Variants in GRIN2B observed in about 807,000 individuals in gnomAD.
GRIN2B encodes the protein glutamate ionotropic receptor NMDA type subunit 2B, also known as glutamate receptor ionotropic, NMDA 2B.
A neutral mutation model predicts 114.5 loss-of-function variants in GRIN2B; 5 were observed. That is an observed-to-expected ratio of 0.04 (90% CI 0.02 to 0.09). The LOEUF is 0.09. Among genes scored for constraint, GRIN2B ranks in the 10% least tolerant of loss-of-function variants. The pLI is 1.00. For synonymous variants in GRIN2B, 787 were observed against 745.1 expected (o/e 1.06, Z -0.92); for missense variants, 1,108 against 1,943.5 (o/e 0.57, Z 8.08).
chr12:13,837,753 G>A (rs1865302035), intron 3 of GRIN2B, among the ~76,000 whole-genome samples: 1 of 152,096 alleles, frequency 6.6e-6, no homozygotes, highest in Admixed American at 6.5e-5. Context: ...TCAAAAGGCA[G>A]GGCTCAGCAG....
intron 5 of GRIN2B, among the ~76,000 whole-genome samples, chr12:13,659,975 T>G (rs557708306): frequency 1.8e-4 from 28 of 152,294 alleles, no homozygotes; most frequent in Non-Finnish European, 3.7e-4. Flanking sequence ...CAGGGCTGTA[T>G]ACAGGGCTGT....
intron 2 of GRIN2B, among the ~76,000 whole-genome samples, chr12:13,866,846 C>T (rs375188549): frequency 3.2e-4 from 49 of 152,260 alleles, no homozygotes; most frequent in African/African-American, 1.1e-3. Context: ...AACATTGCCT[C>T]AATTGATCCT....
chr12:13,588,941 T>C (rs1211823869), intron 10 of GRIN2B, among the ~76,000 whole-genome samples: 2 of 152,234 alleles, frequency 1.3e-5, no homozygotes, highest in Non-Finnish European at 2.9e-5. Flanking sequence ...CTGTTGTATT[T>C]ACCATCCTAT....
chr12:13,842,826 C>T (rs940396324), intron 3 of GRIN2B, among the ~76,000 whole-genome samples: 1 of 151,534 alleles, frequency 6.6e-6, no homozygotes, highest in African/African-American at 2.4e-5. Context: ...AAAGCTCTTA[C>T]ACATAGCAAG....
chr12:13,920,711 G>T (rs1047652555), intron 2 of GRIN2B, among the ~76,000 whole-genome samples: 2 of 152,150 alleles, frequency 1.3e-5, no homozygotes, highest in Non-Finnish European at 2.9e-5. Context: ...CTGTGGCAAA[G>T]GTACAGTTTT....
intron 4 of GRIN2B, among the ~76,000 whole-genome samples, chr12:13,733,920 T>C (rs930886290): frequency 2.6e-5 from 4 of 152,182 alleles, no homozygotes; most frequent in Admixed American, 1.3e-4. Context: ...TCTGAAAAGG[T>C]AAAATGACTT....
intron 5 of GRIN2B, among the ~76,000 whole-genome samples, chr12:13,669,238 C>T (rs1304027756): frequency 6.6e-6 from 1 of 151,996 alleles, no homozygotes; most frequent in Non-Finnish European, 1.5e-5. Flanking sequence ...TAAGCCCACT[C>T]ACTCTGGTTG....
At chr12:13,791,698 T>C (rs1864324952) in intron 3 of GRIN2B, among the ~76,000 whole-genome samples, 1 of 152,204 alleles carries the variant, frequency 6.6e-6, no homozygotes, top group East Asian at 1.9e-4. Context: ...TCTTTATTAA[T>C]ATGTATTATA....
Position 13,615,283 on chromosome 12 carries a change from G to A in GRIN2B, c.1501-16C>T, listed in dbSNP as rs754390595. The A allele has an allele frequency of 1.7e-5, 28 of 1,613,100 alleles. No homozygotes were observed. The highest frequency in any genetic ancestry group is 5.5e-5 in the South Asian group (5 of 91,046). On this transcript the variant is annotated splice_polypyrimidine_tract_variant and intron_variant, in intron 7 of 13. Transcript: ENST00000609686. The surrounding 1 kb of genome is among the most constrained non-coding windows in gnomAD (Gnocchi z 5.8). ...TCATGACCACCTAAAAGAAAGGCGCGATGCTCCAATTAAAACATTCAGGAG... is the reference window on the plus strand; with the variant it reads ...TCATGACCACCTAAAAGAAAGGCGCAATGCTCCAATTAAAACATTCAGGAG...
intron 2 of GRIN2B, among the ~76,000 whole-genome samples, chr12:13,960,884 A>G (rs1289172018): frequency 6.6e-6 from 1 of 152,204 alleles, no homozygotes; most frequent in African/African-American, 2.4e-5. Context: ...TATACTGGAA[A>G]GAGAATGATT....
chr12:13,857,784 C>T (rs1053955727), intron 3 of GRIN2B, among the ~76,000 whole-genome samples: 1 of 152,194 alleles, frequency 6.6e-6, no homozygotes, highest in African/African-American at 2.4e-5. Context: ...TTGCAACGTC[C>T]ACAGAGTTGC....
chr12:13,757,141 G>T (rs567545663), intron 3 of GRIN2B, among the ~76,000 whole-genome samples: 15 of 152,300 alleles, frequency 9.8e-5, no homozygotes, highest in Admixed American at 6.5e-5. Context: ...ATTAAATAAG[G>T]ATGCTTTATA....
chr12:13,772,556 A>G (rs1020970568), intron 3 of GRIN2B, among the ~76,000 whole-genome samples: 1 of 152,250 alleles, frequency 6.6e-6, no homozygotes, highest in African/African-American at 2.4e-5. Context: ...ATATCAGCGC[A>G]TCATAATTTT....
rs922084134 is a variant in GRIN2B at position 13,616,689 on chromosome 12, C to T, written c.1126-32G>A. On this transcript the variant is annotated intron_variant, in intron 5 of 13. Coordinates refer to ENST00000609686, the MANE Select transcript of GRIN2B (RefSeq NM_000834.5). ...AAGGATGAACACAAGAATCAGAAAC[C>T]ACTGGCCACAACATAACAAACAGCC... 2.6e-6 allele frequency: 4 copies of T among 1,525,194 alleles called. No individual in the cohort carries two copies. In the African/African-American group the frequency reaches 5.5e-5, roughly 21 times the overall value. The allele number at this position is 1,525,194 out of a possible 1,614,324, so 94.5% of individuals were successfully genotyped here. A position where few individuals can be genotyped will look rare whatever the true frequency, so the allele number is the denominator to read the frequency against.
In GRIN2B at chr12:13,956,563, C is replaced by A. The variant is rs528060998; in HGVS notation, c.-19+23365G>T. ...AAAACAAGCGCCTTTTTCTCCAAGT[C>A]GTTTCCTCCAACTGTTCGTTCCGTA... On this transcript the variant is annotated intron_variant, in intron 2 of 13. Coordinates refer to ENST00000609686, the MANE Select transcript of GRIN2B (RefSeq NM_000834.5). Among the ~76,000 whole-genome samples the A allele has an allele frequency of 3.3e-5, 5 of 152,300 alleles. No homozygotes were observed. The South Asian group carries it at 1.0e-3, about 32-fold the overall frequency.
chr12:13,919,082 T>A (rs1455868736), intron 2 of GRIN2B, among the ~76,000 whole-genome samples: 2 of 152,214 alleles, frequency 1.3e-5, no homozygotes, highest in Non-Finnish European at 2.9e-5. Context: ...GAGTTTCTTT[T>A]CCTCCACATG....
Position 13,562,526 on chromosome 12 carries a change from C to T in GRIN2B, c.*257G>A, listed in dbSNP as rs1948558337. 3 of 520,238 alleles carry T rather than the reference C, an allele frequency of 5.8e-6. No individual in the cohort carries two copies. In the South Asian group the frequency reaches 7.0e-5, roughly 12 times the overall value. 32.2% of individuals were successfully genotyped at this position (520,238 alleles called of 1,614,324 possible). A position where few individuals can be genotyped will look rare whatever the true frequency, so the allele number is the denominator to read the frequency against. ...TCTACCCTCCCCTGCTGAGAGGGCC[C>T]ATGGCATCATCTCATGGGAACAGGA... is the stretch of plus-strand genomic sequence containing the variant. On this transcript the variant is annotated 3_prime_UTR_variant, in exon 14 of 14. Transcript: ENST00000609686.
At chr12:13,935,703 C>T (rs890102394) in intron 2 of GRIN2B, among the ~76,000 whole-genome samples, 2 of 152,136 alleles carry the variant, frequency 1.3e-5, no homozygotes, top group Non-Finnish European at 2.9e-5. Flanking sequence ...GAGTACCCTG[C>T]AGAAAGTAAA....
intron 2 of GRIN2B, among the ~76,000 whole-genome samples, chr12:13,971,142 G>T: frequency 1.3e-5 from 2 of 152,292 alleles, no homozygotes; most frequent in South Asian, 4.1e-4. Context: ...AGGAGTATGC[G>T]TCTTAGTTTT....
Sources: gnomAD v4.1 joint callset for allele counts (sites outside exome capture counted in the v4.1 genomes callset) on GRCh38, gnomAD v4.1.1 for gene constraint, Gnocchi (gnomAD v3.1) non-coding constraint, MANE v1.5 for transcripts, NCBI Gene and HGNC (gene_info 2026-07-23, HGNC 2026-07-21) for gene names.